Variants in RFC3 observed in about 807,000 individuals in gnomAD.
RFC3 encodes replication factor C subunit 3, also known as A1 38 kDa subunit.
In RFC3, 41 loss-of-function variants were observed where a neutral mutation model predicts 45.1. The ratio of observed to expected loss-of-function variants is 0.91; its 90% CI spans 0.71 to 1.18. RFC3 has a LOEUF of 1.18. Ranked by LOEUF, RFC3 falls within the 50% of genes most tolerant of loss-of-function variation. RFC3 has a pLI of 0.00. For synonymous variants in RFC3, 149 were observed against 144.0 expected, an observed-to-expected ratio of 1.03 and a Z score of -0.25; for missense variants, 423 against 428.1, an observed-to-expected ratio of 0.99 and a Z score of 0.10.
the RFC3 span, among the ~76,000 whole-genome samples, chr13:33,977,325 G>T: frequency 1.3e-5 from 2 of 152,078 alleles, no homozygotes; most frequent in Non-Finnish European, 2.9e-5. Flanking sequence ...AGAATGCTCT[G>T]TTACCTTTCC....
chr13:33,899,360 A>C (rs1203737440), intron 8 of RFC3, among the ~76,000 whole-genome samples: 1 of 151,870 alleles, frequency 6.6e-6, no homozygotes, highest in Non-Finnish European at 1.5e-5. Context: ...TCATCCCAGG[A>C]ATGCAAGGAT....
At chr13:33,972,086 G>A in the RFC3 span, among the ~76,000 whole-genome samples, 11 of 152,274 alleles carry the variant, frequency 7.2e-5, no homozygotes, top group Admixed American at 2.6e-4. Context: ...ACGGCACTCC[G>A]GCCTGGGTGA....
chr13:33,855,415 A>G (rs545073476), intron 8 of RFC3, among the ~76,000 whole-genome samples: 3 of 152,168 alleles, frequency 2.0e-5, no homozygotes, highest in Admixed American at 6.5e-5. Context: ...TGTCTTTGCT[A>G]TTGTGAATAG....
At chr13:33,962,229 G>A (rs774630596) in intron 8 of RFC3, among the ~76,000 whole-genome samples, 1 of 152,184 alleles carries the variant, frequency 6.6e-6, no homozygotes, top group Admixed American at 6.5e-5. Context: ...AGAGCTATGA[G>A]GGGGGATATG....
chr13:33,963,371 T>G (rs141379815), intron 8 of RFC3, among the ~76,000 whole-genome samples: 1 of 152,340 alleles, frequency 6.6e-6, no homozygotes, highest in East Asian at 1.9e-4. Context: ...GGCTCTTGCC[T>G]ACTTAAGCAA....
intron 8 of RFC3, among the ~76,000 whole-genome samples, chr13:33,951,977 G>A (rs933929940): frequency 6.6e-6 from 1 of 152,178 alleles, no homozygotes; most frequent in African/African-American, 2.4e-5. Flanking sequence ...AAAGTCATTG[G>A]CTTTAAGGCA....
intron 8 of RFC3, chr13:33,848,583 T>A (rs2082255225): frequency 6.6e-6 from 1 of 152,174 alleles, no homozygotes; most frequent in Non-Finnish European, 1.5e-5. Context: ...ACCTTTAGCA[T>A]GTAAGTTGAC....
downstream of RFC3, among the ~76,000 whole-genome samples, chr13:33,839,889 C>G (rs2082185106): frequency 6.6e-6 from 1 of 152,164 alleles, no homozygotes; most frequent in Non-Finnish European, 1.5e-5. Context: ...TTTCAAAATA[C>G]AAAATACAGA....
chr13:33,923,174 G>A (rs1012434863), intron 8 of RFC3, among the ~76,000 whole-genome samples: 2 of 152,076 alleles, frequency 1.3e-5, no homozygotes, highest in South Asian at 4.1e-4. Context: ...TTGTGACATA[G>A]AGATAGAGCT....
rs977266347 is a variant in RFC3, at chr13:33,851,305, G to A, written c.879+16088G>A. 2.0e-5 allele frequency among the ~76,000 whole-genome samples: 3 copies of A among 152,216 alleles called. No individual in the cohort carries two copies. In the East Asian group the frequency reaches 5.8e-4, roughly 29 times the overall value. Reference sequence around the variant, plus strand: ...TGACCCTTGAACAATGTCGGGGGTTGGAGCATCAACCCGTCACAGTTGAAA... The same window carrying A: ...TGACCCTTGAACAATGTCGGGGGTTAGAGCATCAACCCGTCACAGTTGAAA... On this transcript the variant is annotated intron_variant, in intron 8 of 8. Transcript: ENST00000434425.
Position 33,830,068 on chromosome 13 carries a change from A to G in RFC3, c.573+51A>G. 2.7e-6 allele frequency: 4 copies of G among 1,476,968 alleles called. 1 individual carries two copies. The highest frequency in any genetic ancestry group is 2.3e-5 in the South Asian group (2 of 87,040). The allele number at this position is 1,476,968 out of a possible 1,614,324, so 91.5% of individuals were successfully genotyped here. A position where few individuals can be genotyped will look rare whatever the true frequency, so the allele number is the denominator to read the frequency against. Reference sequence around the variant, plus strand: ...AAATAAATCAGTTCAGATTCTCTGAATATTGTATGCTTGTTGTAAAAGAAG... The same window carrying G: ...AAATAAATCAGTTCAGATTCTCTGAGTATTGTATGCTTGTTGTAAAAGAAG... On this transcript the variant is annotated intron_variant, in intron 5 of 8. Coordinates refer to ENST00000380071, the MANE Select transcript of RFC3 (RefSeq NM_002915.4).
At position 33,836,318 on chromosome 13, in the gene RFC3, A is replaced by C; in HGVS notation, c.*23A>C. 6.2e-7 allele frequency: 1 copy of C among 1,609,618 alleles called. No homozygotes were observed. Among genetic ancestry groups the C allele is most frequent in the Non-Finnish European group, 8.5e-7 (1 of 1,176,576 alleles). On this transcript the variant is annotated 3_prime_UTR_variant, in exon 9 of 9. Transcript: ENST00000380071. ...TGACTTCTGTCAGTTATTCTTGCAA[A>C]GATTTCTCAGTATCAGTATTTACAT...
intron 8 of RFC3, among the ~76,000 whole-genome samples, chr13:33,861,346 G>A (rs538734833): frequency 9.9e-5 from 15 of 152,276 alleles, no homozygotes; most frequent in African/African-American, 3.4e-4. Flanking sequence ...TGAAAAGGGA[G>A]GCTGGGTGTG....
chr13:33,913,863 T>C (rs945890039), intron 8 of RFC3, among the ~76,000 whole-genome samples: 1 of 152,138 alleles, frequency 6.6e-6, no homozygotes, highest in Non-Finnish European at 1.5e-5. Context: ...TATATGTGTA[T>C]AGAACATGTG....
intron 8 of RFC3, among the ~76,000 whole-genome samples, chr13:33,884,393 C>T (rs552830808): frequency 1.1e-4 from 16 of 152,314 alleles, no homozygotes; most frequent in African/African-American, 3.8e-4. Context: ...TAGCTATAGA[C>T]ACTGGGAGCT....
chr13:33,856,390 G>A (rs2082309121), intron 8 of RFC3, among the ~76,000 whole-genome samples: 1 of 152,108 alleles, frequency 6.6e-6, no homozygotes. Flanking sequence ...TGGGTATTAG[G>A]CTTAATACCT....
At chr13:33,915,347 GTACAT>G (rs2082726277) in intron 8 of RFC3, among the ~76,000 whole-genome samples, 1 of 152,122 alleles carries the variant, frequency 6.6e-6, no homozygotes, top group South Asian at 2.1e-4. Flanking sequence ...ATTACCAACT[GTACAT>G]ATGTGTATAT....
intron 8 of RFC3, among the ~76,000 whole-genome samples, chr13:33,947,679 G>C (rs1287413933): frequency 6.6e-6 from 1 of 152,302 alleles, no homozygotes; most frequent in African/African-American, 2.4e-5. Context: ...GAGACTTGTT[G>C]AATGGCTTTG....
chr13:33,967,686 C>T (rs1043659062), downstream of RFC3, among the ~76,000 whole-genome samples: 8 of 151,798 alleles, frequency 5.3e-5, no homozygotes, highest in Admixed American at 5.3e-4. Context: ...TGGGGTTTCA[C>T]CATGTTGGCC....
Sources: allele counts gnomAD v4.1 joint callset (sites outside exome capture counted in the v4.1 genomes callset), GRCh38; gene constraint gnomAD v4.1.1; transcripts MANE v1.5; gene names NCBI Gene and HGNC (gene_info 2026-07-23, HGNC 2026-07-21).